The following TCOF1 variants were observed in gnomAD, a reference collection of about 807,000 sequenced individuals.
TCOF1 encodes the protein treacle ribosome biogenesis factor 1.
Under a neutral mutation model 149.0 loss-of-function variants are expected in TCOF1, and 33 were observed. The ratio of observed to expected loss-of-function variants is 0.22; its 90% CI spans 0.17 to 0.30. TCOF1 has a LOEUF of 0.30. Ranked by LOEUF, TCOF1 falls within the 10% of genes least tolerant of loss-of-function variation. TCOF1 has a pLI of 1.00. For missense variants in TCOF1, 1,728 were observed against 1,840.7 expected (o/e 0.94, Z 1.12); for synonymous variants, 789 against 738.8 (o/e 1.07, Z -1.10).
At chr5:150,384,229 AAAAGT>A in intron 17 of TCOF1, 2 of 995,478 alleles carry the variant, frequency 2.0e-6, no homozygotes, top group Non-Finnish European at 2.4e-6. Flanking sequence ...CACAGATTAC[AAAAGT>A]AAAGAACAAC....
chr5:150,392,838 C>T (rs927336264), intron 22 of TCOF1, 48 bp downstream of exon 22: 12 of 1,597,222 alleles, frequency 7.5e-6, no homozygotes, highest in African/African-American at 4.0e-5. Context: ...TAGGGTGGAG[C>T]CCCAGGCCAG....
intron 23 of TCOF1, 152 bp downstream of exon 23, chr5:150,393,704 C>G: frequency 9.8e-7 from 1 of 1,019,462 alleles, no homozygotes; most frequent in Non-Finnish European, 1.4e-6. Flanking sequence ...TGCATTGGAC[C>G]TGAAGATGCT....
chr5:150,392,716 C>G lies in TCOF1; in HGVS notation c.3529C>G (p.Pro1177Ala), dbSNP rs1181503574. ...CTGTGCTTCTCCAGTAGGTCCCACC[C>G]CCTCCAGGACAGAGACCCTGGTGGA... is the stretch of plus-strand genomic sequence containing the variant. ...KSAHTLVGPT[P>A]SRTETLVEET... The change falls in exon 22 of 27, where the codon CCC (proline) becomes GCC (alanine). Residue 1177 changes from proline (P) to alanine (A), a missense_variant. Physicochemically the swap from Pro to Ala is conservative, Grantham distance 27. Around this residue, in one of 2 missense-constraint regions of TCOF1, gnomAD observed 1,696 missense variants for 1,765.4 expected, o/e 0.96. Transcript: ENST00000643257. 1.2e-6 allele frequency: 2 copies of G among 1,614,030 alleles called. No homozygotes were observed. Among genetic ancestry groups the G allele is most frequent in the East Asian group, 2.2e-5 (1 of 44,870 alleles).
chr5:150,393,024 G>A, intron 22 of TCOF1: 1 of 605,876 alleles, frequency 1.7e-6, no homozygotes, highest in Non-Finnish European at 2.9e-6. Flanking sequence ...CTGTAGAAGG[G>A]ATTGACCTTG....
rs76848086 is a variant in TCOF1 at position 150,381,737 on chromosome 5, A to G, written c.2859+2005A>G. On this transcript the variant is annotated intron_variant, in intron 17 of 26. Transcript: ENST00000643257. Reference sequence around the variant, plus strand: ...TAATCTGTAGGAGAAAGCCCCATTCAAAAGAGCTTAAATAAGGGGATTGAC... The same window carrying G: ...TAATCTGTAGGAGAAAGCCCCATTCGAAAGAGCTTAAATAAGGGGATTGAC... 7.2e-5 allele frequency among the ~76,000 whole-genome samples: 11 copies of G among 152,264 alleles called. No individual in the cohort carries two copies. In the East Asian group the frequency reaches 2.1e-3, roughly 29 times the overall value.
intron 22 of TCOF1, 146 bp from the exon 23 acceptor site, chr5:150,393,226 G>A (rs1767789664): frequency 2.2e-6 from 2 of 913,556 alleles, no homozygotes; most frequent in Non-Finnish European, 1.8e-6. Flanking sequence ...GCTGCTCTGT[G>A]CCTTGTTGTC....
In TCOF1 at chr5:150,357,871, C is replaced by T. The variant is rs1371651060; in HGVS notation, c.108+17C>T. On this transcript the variant is annotated intron_variant, in intron 1 of 26. Transcript: ENST00000643257. The stretch of plus-strand genomic sequence containing the variant: ...AGCGGCCAGGTAAGCGTTCGTGGGC[C>T]GTGTGCGAGGGCCGCGTGCAAGATG... 1.9e-6 allele frequency: 3 copies of T among 1,547,570 alleles called. No individual in the cohort carries two copies. Among genetic ancestry groups the T allele is most frequent in the East Asian group, 2.5e-5 (1 of 40,780 alleles).
intron 3 of TCOF1, among the ~76,000 whole-genome samples, chr5:150,366,067 A>G (rs1172289241): frequency 6.6e-6 from 1 of 150,812 alleles, no homozygotes; most frequent in Non-Finnish European, 1.5e-5. Flanking sequence ...GGCTACAGTG[A>G]GCCATGACTG....
Position 150,398,959 on chromosome 5 carries a change from G to A in TCOF1, c.4444-63G>A, listed in dbSNP as rs1233307979. On this transcript the variant is annotated intron_variant, in intron 25 of 26. Coordinates refer to ENST00000643257, the MANE Select transcript of TCOF1 (RefSeq NM_001371623.1). The stretch of plus-strand genomic sequence containing the variant: ...GGAATTCACTAGTCCTCAGGAGGTG[G>A]GGGCAGCAGTGGGTGGGGAAAAGCT... The A allele has an allele frequency of 2.5e-6, 4 of 1,612,072 alleles. No homozygotes were observed. In the African/African-American group the frequency reaches 5.3e-5, roughly 22 times the overall value.
chr5:150,389,631 G>C (rs997626204), intron 18 of TCOF1, among the ~76,000 whole-genome samples: 2 of 152,248 alleles, frequency 1.3e-5, no homozygotes, highest in Non-Finnish European at 2.9e-5. Flanking sequence ...AGCCCGACCA[G>C]TTGGGAGGGG....
Position 150,374,775 on chromosome 5 carries a change from C to T in TCOF1, c.1242C>T (p.Ser414=), listed in dbSNP as rs151344569. Residue 414 remains serine (S), a synonymous_variant, in exon 9 of 27, where the codon AGC becomes AGT. Transcript: ENST00000643257. ...GGGAGGAGGACTCGCAGAGCAGCAG[C>T]GAGGAATCGGACAGTGAGGAGGAGG... is the stretch of plus-strand genomic sequence containing the variant. ...GKREEDSQSS[S]EESDSEEEAP... The T allele has an allele frequency of 8.7e-6, 14 of 1,611,850 alleles. No homozygotes were observed. Among genetic ancestry groups the T allele is most frequent in the Admixed American group, 8.4e-5 (5 of 59,642 alleles).
intron 2 of TCOF1, 144 bp from the exon 3 acceptor site, chr5:150,363,969 T>C: frequency 8.7e-7 from 1 of 1,144,166 alleles, no homozygotes; most frequent in East Asian, 2.5e-5. Context: ...TACAAAATTG[T>C]GCCTATACTG....
At position 150,375,322 on chromosome 5, in the gene TCOF1, T is replaced by C. The variant is rs763809228; in HGVS notation, c.1489-17T>C. 2.9e-5 allele frequency: 47 copies of C among 1,609,890 alleles called. No individual in the cohort carries two copies. Among genetic ancestry groups the C allele is most frequent in the Non-Finnish European group, 4.0e-5 (47 of 1,178,262 alleles). On this transcript the variant is annotated splice_polypyrimidine_tract_variant and intron_variant, in intron 10 of 26. Coordinates refer to ENST00000643257, the MANE Select transcript of TCOF1 (RefSeq NM_001371623.1). ...CTTCTGGACTCCCTCCCTAATCTTGTCCTTTGTGTCTCCCAGGTGAAGCCC... is the reference window on the plus strand; with the variant it reads ...CTTCTGGACTCCCTCCCTAATCTTGCCCTTTGTGTCTCCCAGGTGAAGCCC...
At chr5:150,384,269 G>A in intron 17 of TCOF1, 2 of 989,936 alleles carry the variant, frequency 2.0e-6, no homozygotes, top group South Asian at 4.6e-5. Context: ...GTAACTCCCT[G>A]TATTCTCATT....
chr5:150,379,858 G>A lies in TCOF1; in HGVS notation c.2859+126G>A. ...AGGCCGAGGCAGATGTATCACTTGA[G>A]GTCAGGGGTTCAAGACCAGCCTGGC... On this transcript the variant is annotated intron_variant, in intron 17 of 26. Coordinates refer to ENST00000643257, the MANE Select transcript of TCOF1 (RefSeq NM_001371623.1). 5 of 1,215,906 alleles carry A rather than the reference G, an allele frequency of 4.1e-6. No homozygotes were observed. The South Asian group carries it at 6.5e-5, about 16-fold the overall frequency. 75.3% of individuals were successfully genotyped at this position (1,215,906 alleles called of 1,614,324 possible).
Position 150,376,925 on chromosome 5 carries a change from G to A in TCOF1, c.2340+305G>A, listed in dbSNP as rs187818390. On this transcript the variant is annotated intron_variant, in intron 14 of 26. Transcript: ENST00000643257. ...GGGGTTGCTGAGGCGCTGTTCCTCA[G>A]GGAAGTCCTGTCTCTGTGGAGCATG... 2.3e-4 allele frequency among the ~76,000 whole-genome samples: 35 copies of A among 152,344 alleles called. 1 individual carries two copies. The highest frequency in any genetic ancestry group is 2.0e-3 in the Admixed American group (31 of 15,306).
chr5:150,390,547 C>T (rs564552121), intron 19 of TCOF1, among the ~76,000 whole-genome samples: 14 of 152,198 alleles, frequency 9.2e-5, no homozygotes, highest in South Asian at 8.3e-4. Flanking sequence ...GGCCGGAACC[C>T]GGGTCTTCTG....
At chr5:150,393,856 A>G (rs774168126) in intron 23 of TCOF1, 1 of 409,676 alleles carries the variant, frequency 2.4e-6, no homozygotes. Context: ...TCTAAAATTT[A>G]TTTTAATTAG....
At chr5:150,384,553 AAACAACT>A (rs1294031372) in intron 17 of TCOF1, 34 of 985,472 alleles carry the variant, frequency 3.5e-5, no homozygotes, top group Non-Finnish European at 3.7e-5. Flanking sequence ...TGAGGGATCT[AAACAACT>A]GGGAGGGAGG....
Sources: allele counts gnomAD v4.1 joint callset (sites outside exome capture counted in the v4.1 genomes callset), GRCh38; gene constraint gnomAD v4.1.1; regional missense constraint gnomAD v4.1.1; transcripts MANE v1.5; gene names NCBI Gene and HGNC (gene_info 2026-07-23, HGNC 2026-07-21).